Variants in GSG1L observed in about 807,000 individuals in gnomAD.
The protein encoded by GSG1L is germ cell-specific gene 1-like protein.
GSG1L carries 24 observed loss-of-function variants against 42.1 expected under a neutral mutation model. That is an observed-to-expected ratio of 0.57 (90% CI 0.41 to 0.80). The LOEUF (loss-of-function observed/expected upper bound fraction) is 0.80. Ranked by LOEUF, GSG1L falls within the 30% of genes least tolerant of loss-of-function variation. The pLI, the probability that GSG1L is intolerant of heterozygous loss-of-function variation, is 0.00. For synonymous variants in GSG1L, 215 were observed against 203.5 expected, an observed-to-expected ratio of 1.06 and a Z score of -0.48; for missense variants, 445 against 472.2, an observed-to-expected ratio of 0.94 and a Z score of 0.53.
intron 1 of GSG1L, among the ~76,000 whole-genome samples, chr16:27,979,690 G>GAAAGAGAGAGAGAGAGAGAGA (rs1596670886): frequency 1.0e-4 from 2 of 19,058 alleles, no homozygotes; most frequent in South Asian, 8.3e-3. Context: ...AAAGAAAGAA[G>GAAAGAGAGAGAGAGAGAGAGA]GAAGGAAGGA....
intron 3 of GSG1L, among the ~76,000 whole-genome samples, chr16:27,850,933 G>C (rs918174291): frequency 6.6e-6 from 1 of 152,008 alleles, no homozygotes; most frequent in African/African-American, 2.4e-5. Context: ...GAGCCACCGG[G>C]AGATAGAGAA....
chr16:27,855,004 A>G (rs1567488489), intron 3 of GSG1L, among the ~76,000 whole-genome samples: 1 of 152,144 alleles, frequency 6.6e-6, no homozygotes, highest in African/African-American at 2.4e-5. Context: ...CAAGGCTGCA[A>G]TGAGCTATGA....
chr16:28,020,075 C>T (rs1324095652), intron 1 of GSG1L, among the ~76,000 whole-genome samples: 1 of 152,238 alleles, frequency 6.6e-6, no homozygotes, highest in Non-Finnish European at 1.5e-5. Context: ...AGTCCACTCT[C>T]TCATCAATGC....
chr16:27,796,468 TG>T (rs2082819185), intron 6 of GSG1L, among the ~76,000 whole-genome samples: 1 of 152,264 alleles, frequency 6.6e-6, no homozygotes. Flanking sequence ...CTCCTCATCT[TG>T]CCTTTGAGGC....
chr16:27,945,356 C>T (rs904159403), intron 2 of GSG1L, among the ~76,000 whole-genome samples: 1 of 152,206 alleles, frequency 6.6e-6, no homozygotes, highest in African/African-American at 2.4e-5. Flanking sequence ...CCTCTGCCCT[C>T]ACCGCCAGAG....
Position 27,993,109 on chromosome 16 carries a change from G to T in GSG1L, c.350-29906C>A, listed in dbSNP as rs1001055836. On this transcript the variant is annotated intron_variant, in intron 1 of 6. Transcript: ENST00000447459. ...CAGTGAGGTTTAGTACCTGAGTCAG[G>T]ATTCCGGCCCAAGCACTCTAACTCC... is the stretch of plus-strand genomic sequence containing the variant. Among the ~76,000 whole-genome samples the T allele has an allele frequency of 5.9e-5, 9 of 152,248 alleles. No individual in the cohort carries two copies. The East Asian group carries it at 1.7e-3, about 29-fold the overall frequency.
intron 1 of GSG1L, among the ~76,000 whole-genome samples, chr16:27,987,675 G>A (rs1183582185): frequency 2.0e-5 from 3 of 152,106 alleles, no homozygotes; most frequent in South Asian, 2.1e-4. Context: ...TGGGCTGGTC[G>A]TGGTGGCTCA....
At chr16:28,043,047 GA>G (rs1348463869) in intron 1 of GSG1L, among the ~76,000 whole-genome samples, 2 of 152,204 alleles carry the variant, frequency 1.3e-5, no homozygotes, top group African/African-American at 4.8e-5. Context: ...CCGAGCTCCA[GA>G]AAGTTAATTC....
intron 2 of GSG1L, among the ~76,000 whole-genome samples, chr16:27,919,001 C>T (rs146228140): frequency 1.2e-3 from 176 of 152,302 alleles, no homozygotes; most frequent in African/African-American, 4.0e-3. Context: ...CTTCTCCACA[C>T]AGCTGTCCAG....
chr16:28,059,955 C>T lies in GSG1L; in HGVS notation c.349+3121G>A, dbSNP rs553558084. Reference sequence around the variant, plus strand: ...CTTATTACATTTCCCTGTGGCTGCCCGAGTGGGGAGAGGTTTTTCTGAGCC... The same window carrying T: ...CTTATTACATTTCCCTGTGGCTGCCTGAGTGGGGAGAGGTTTTTCTGAGCC... On this transcript the variant is annotated intron_variant, in intron 1 of 6. Coordinates refer to ENST00000447459, the MANE Select transcript of GSG1L (RefSeq NM_001109763.2). The surrounding 1 kb of genome is among the most constrained non-coding windows in gnomAD (Gnocchi z 4.4). 2.9e-3 allele frequency among the ~76,000 whole-genome samples: 439 copies of T among 152,118 alleles called. 1 individual carries two copies. Among genetic ancestry groups the T allele is most frequent in the Admixed American group, 6.2e-3 (95 of 15,264 alleles).
intron 2 of GSG1L, among the ~76,000 whole-genome samples, chr16:27,891,884 C>CTTTT (rs60746199): frequency 0.061 from 4,495 of 74,196 alleles, 703 homozygotes; most frequent in Non-Finnish European, 0.083. Flanking sequence ...AGTGACAGAT[C>CTTTT]TTTTTTTTTT....
chr16:27,991,579 A>G (rs1008730014), intron 1 of GSG1L, among the ~76,000 whole-genome samples: 1 of 151,322 alleles, frequency 6.6e-6, no homozygotes, highest in African/African-American at 2.4e-5. Flanking sequence ...TAACTTTTGT[A>G]TTTTTAGTAG....
intron 2 of GSG1L, among the ~76,000 whole-genome samples, chr16:27,933,648 CAAAAA>C (rs55936452): frequency 2.1e-5 from 2 of 94,680 alleles, no homozygotes; most frequent in African/African-American, 4.1e-5. Context: ...GACTTTGTCA[CAAAAA>C]AAAAAAAAAA....
chr16:27,951,064 A>C (rs968484196), intron 2 of GSG1L, among the ~76,000 whole-genome samples: 12 of 152,170 alleles, frequency 7.9e-5, no homozygotes, highest in African/African-American at 2.9e-4. Flanking sequence ...ACACCCTGGC[A>C]TCAAGGGATA....
intron 2 of GSG1L, among the ~76,000 whole-genome samples, chr16:27,924,128 AC>A (rs1470908761): frequency 6.6e-6 from 1 of 151,880 alleles, no homozygotes; most frequent in Non-Finnish European, 1.5e-5. Flanking sequence ...GAAAAATTAT[AC>A]ACACATAAAT....
chr16:27,929,258 A>T (rs2084630419), intron 2 of GSG1L, among the ~76,000 whole-genome samples: 1 of 152,156 alleles, frequency 6.6e-6, no homozygotes, highest in African/African-American at 2.4e-5. Flanking sequence ...TTAACAGCTG[A>T]CTTAGGGAAC....
rs1200252222 is a variant in GSG1L at position 27,881,906 on chromosome 16, T to G, written c.550+2580A>C. Among the ~76,000 whole-genome samples the G allele has an allele frequency of 4.6e-5, 7 of 152,142 alleles. No homozygotes were observed. In the East Asian group the frequency reaches 1.3e-3, roughly 29 times the overall value. Reference sequence around the variant, plus strand: ...CACCCATTCTCCACTTAGGCCTTGTTGCTTTGCATCAATATGACTCCTGCA... The same window carrying G: ...CACCCATTCTCCACTTAGGCCTTGTGGCTTTGCATCAATATGACTCCTGCA... On this transcript the variant is annotated intron_variant, in intron 3 of 6. Coordinates refer to ENST00000447459, the MANE Select transcript of GSG1L (RefSeq NM_001109763.2).
At chr16:28,044,239 T>A (rs1019206581) in intron 1 of GSG1L, among the ~76,000 whole-genome samples, 1 of 151,786 alleles carries the variant, frequency 6.6e-6, no homozygotes, top group Non-Finnish European at 1.5e-5. Context: ...TAGCCAGGCA[T>A]GGTGGCACAC....
intron 2 of GSG1L, among the ~76,000 whole-genome samples, chr16:27,923,689 G>A (rs908252529): frequency 1.4e-4 from 20 of 146,592 alleles, no homozygotes; most frequent in Non-Finnish European, 2.2e-4. Flanking sequence ...TTGCAAGATT[G>A]AGCCACTGCA....
Sources: gnomAD v4.1 joint callset for allele counts (sites outside exome capture counted in the v4.1 genomes callset) on GRCh38, gnomAD v4.1.1 for gene constraint, Gnocchi (gnomAD v3.1) non-coding constraint, MANE v1.5 for transcripts, NCBI Gene and HGNC (gene_info 2026-07-23, HGNC 2026-07-21) for gene names.